ZNFX1: variants seen among roughly 807,000 people sequenced by gnomAD.
ZNFX1 encodes NFX1-type zinc finger-containing protein 1.
Under a neutral mutation model 179.8 loss-of-function variants are expected in ZNFX1, and 78 were observed. The observed-to-expected ratio is 0.43, with a 90% CI of 0.36 to 0.52. ZNFX1 has a LOEUF of 0.52. Ranked by LOEUF, ZNFX1 falls within the 20% of genes least tolerant of loss-of-function variation. ZNFX1 has a pLI of 0.00. For synonymous variants in ZNFX1, 848 were observed against 868.5 expected (o/e 0.98, Z 0.42); for missense variants, 1,927 against 2,386.6 (o/e 0.81, Z 4.01).
intron 9 of ZNFX1, among the ~76,000 whole-genome samples, chr20:49,254,887 T>C (rs987760010): frequency 6.6e-6 from 1 of 151,958 alleles, no homozygotes; most frequent in Non-Finnish European, 1.5e-5. Flanking sequence ...GGGAAGAAAA[T>C]AAGAGACTTT....
chr20:49,270,110 C>T lies in ZNFX1; in HGVS notation c.1702G>A (p.Gly568Arg). The change falls in exon 3 of 14, where the codon GGG becomes AGG. Residue 568 changes from glycine to arginine, a missense_variant. Coordinates refer to ENST00000396105, the MANE Select transcript of ZNFX1 (RefSeq NM_021035.3). This position sits in a 1 kb window ranked among gnomAD's most constrained non-coding sequence, Gnocchi z 4.6. ...TPLIENPSAT[G>R]EFLRNVEGLR... ...CCCTCGACATTTCTTAGAAATTCCC[C>T]AGTGGCTGAAGGATTCTCTATTAAG... The T allele has an allele frequency of 6.2e-7, 1 of 1,614,222 alleles. No homozygotes were observed. The highest frequency in any genetic ancestry group is 8.5e-7 in the Non-Finnish European group (1 of 1,180,036).
intron 7 of ZNFX1, among the ~76,000 whole-genome samples, chr20:49,259,135 T>G (rs1389290172): frequency 7.0e-6 from 1 of 142,628 alleles, no homozygotes; most frequent in Admixed American, 6.9e-5. Flanking sequence ...AATAAATAAA[T>G]AAATAAAATA....
intron 6 of ZNFX1, 74 bp from the exon 7 acceptor site, chr20:49,260,651 C>A (rs1981091899): frequency 2.6e-6 from 3 of 1,134,764 alleles, no homozygotes; most frequent in Non-Finnish European, 3.8e-6. Context: ...CTCAAAGAAT[C>A]AAAAGCAGAT....
Position 49,264,873 on chromosome 20 carries a change from C to A in ZNFX1, c.2003-9G>T, listed in dbSNP as rs1314532622. The A allele has an allele frequency of 1.2e-6, 2 of 1,614,040 alleles. No individual in the cohort carries two copies. Among genetic ancestry groups the A allele is most frequent in the African/African-American group, 2.7e-5 (2 of 74,912 alleles). ...CTGACAATTGTAGATGCCTGTGGAA[C>A]AAAGTGGAGCATGGCAGGGTTGAGA... On this transcript the variant is annotated splice_polypyrimidine_tract_variant and intron_variant, in intron 4 of 13. Transcript: ENST00000396105.
chr20:49,254,461 GA>G (rs1251804706), intron 10 of ZNFX1, 33 bp downstream of exon 10: 1 of 1,610,016 alleles, frequency 6.2e-7, no homozygotes. Context: ...AGTGAACTTA[GA>G]TGCAACAGGC....
At chr20:49,252,601 CAG>C (rs1482239337) in intron 12 of ZNFX1, 117 bp downstream of exon 12, 5 of 659,322 alleles carry the variant, frequency 7.6e-6, no homozygotes, top group Non-Finnish European at 1.3e-5. Context: ...GTAAGGTTGA[CAG>C]AGTCATTTCA....
intron 6 of ZNFX1, among the ~76,000 whole-genome samples, chr20:49,262,330 C>T (rs1029658852): frequency 3.3e-5 from 5 of 149,304 alleles, no homozygotes; most frequent in Admixed American, 6.7e-5. Flanking sequence ...CGCTTGAACC[C>T]GGGAGGCGGA....
intron 8 of ZNFX1, among the ~76,000 whole-genome samples, chr20:49,256,772 AGAT>A (rs1980979967): frequency 6.6e-6 from 1 of 152,264 alleles, no homozygotes; most frequent in South Asian, 2.1e-4. Context: ...GCCAGCACTC[AGAT>A]GAAAACTGCA....
At position 49,248,978 on chromosome 20, in the gene ZNFX1, G is replaced by A. The variant is rs1397389998; in HGVS notation, c.4046C>T (p.Pro1349Leu). 2.5e-6 allele frequency: 4 copies of A among 1,614,214 alleles called. No homozygotes were observed. In the South Asian group the frequency reaches 4.4e-5, roughly 18 times the overall value. ...ATGGCCGCACCGAGGAATGGTTTTGGGCACCTTCACCTGACAAGGCTGACA... is the reference window on the plus strand; with the variant it reads ...ATGGCCGCACCGAGGAATGGTTTTGAGCACCTTCACCTGACAAGGCTGACA... ...QECQPCQVKVPKTIPRCGHEQ... is the reference protein window; with the variant it reads ...QECQPCQVKVLKTIPRCGHEQ... The change falls in exon 14 of 14, where the codon CCC (proline) becomes CTC (leucine). Residue 1349 changes from proline to leucine, a missense_variant. Pro to Leu is a moderately conservative substitution (Grantham distance 98). Coordinates refer to ENST00000396105, the MANE Select transcript of ZNFX1 (RefSeq NM_021035.3). The surrounding 1 kb of genome is among the most constrained non-coding windows in gnomAD (Gnocchi z 4.6).
Position 49,248,197 on chromosome 20 carries a change from A to T in ZNFX1, c.4827T>A (p.Asp1609Glu), listed in dbSNP as rs767034744. ...CTTTCAATCTGATGGCGACTTCATC[A>T]TCCTTCTGTTCATTCATGTAGCGGT... ...ALDRYMNEQK[D>E]DEVAIRLKVC... Residue 1609 changes from aspartate (D) to glutamate (E), a missense_variant, in exon 14 of 14, where the codon GAT (aspartate) becomes GAA (glutamate). Physicochemically the swap from Asp to Glu is conservative, Grantham distance 45. Coordinates refer to ENST00000396105, the MANE Select transcript of ZNFX1 (RefSeq NM_021035.3). This position sits in a 1 kb window ranked among gnomAD's most constrained non-coding sequence, Gnocchi z 4.6. 4 of 1,614,140 alleles carry T rather than the reference A, an allele frequency of 2.5e-6. No individual in the cohort carries two copies. The South Asian group carries it at 4.4e-5, about 18-fold the overall frequency.
chr20:49,248,113 T>G lies in ZNFX1; in HGVS notation c.4911A>C (p.Lys1637Asn), dbSNP rs145879541. The G allele has an allele frequency of 1.5e-5, 25 of 1,614,062 alleles. No homozygotes were observed. The African/African-American group carries it at 2.0e-4, about 13-fold the overall frequency. Residue 1637 changes from lysine to asparagine, a missense_variant, in exon 14 of 14, where the codon AAA (lysine) becomes AAC (asparagine). Transcript: ENST00000396105. The surrounding 1 kb of genome is among the most constrained non-coding windows in gnomAD (Gnocchi z 4.6). ...RKNLRYGTSI[K>N]QRLEEIEIIK... ...TGATTTCAATCTCTTCTAGCCGCTG[T>G]TTTATGCTAGTTCCATACCTCAGGT... is the stretch of plus-strand genomic sequence containing the variant.
Position 49,249,728 on chromosome 20 carries a change from G to C in ZNFX1, c.3313-17C>G. On this transcript the variant is annotated splice_polypyrimidine_tract_variant and intron_variant, in intron 13 of 13. Coordinates refer to ENST00000396105, the MANE Select transcript of ZNFX1 (RefSeq NM_021035.3). ...AGACACCCCCTGACAGGGAAAAGAA[G>C]TGACATGTTAAAAGGTTCACTCATG... 1 of 1,597,590 alleles carries C rather than the reference G, an allele frequency of 6.3e-7. No homozygotes were observed. Among genetic ancestry groups the C allele is most frequent in the Non-Finnish European group, 8.5e-7 (1 of 1,170,606 alleles).
Position 49,249,517 on chromosome 20 carries a change from T to G in ZNFX1, c.3507A>C (p.Lys1169Asn), listed in dbSNP as rs1265662589. The change falls in exon 14 of 14, where the codon AAA becomes AAC. Residue 1169 changes from lysine (K) to asparagine (N), a missense_variant. Physicochemically the swap from Lys to Asn is moderately conservative, Grantham distance 94. Transcript: ENST00000396105. ...TYTGQLFCLR[K>N]LMPAKTFAGV... ...CAGCAAATGTCTTGGCAGGCATCAG[T>G]TTGCGCAGGCAGAAGAGCTGCCCGG... The G allele has an allele frequency of 1.9e-6, 3 of 1,614,014 alleles. No homozygotes were observed. The highest frequency in any genetic ancestry group is 1.7e-6 in the Non-Finnish European group (2 of 1,180,024).
chr20:49,247,712 G>T lies in ZNFX1; in HGVS notation c.5312C>A (p.Thr1771Asn). 6.2e-7 allele frequency: 1 copy of T among 1,614,190 alleles called. No individual in the cohort carries two copies. Reference protein sequence around the residue: ...QRLTYLVNLLTRYKIAEKKVK... With the variant: ...QRLTYLVNLLNRYKIAEKKVK... ...CTTCTTCTCTGCTATCTTGTAGCGG[G>T]TCAGAAGGTTCACCAGGTATGTGAG... The change falls in exon 14 of 14, where the codon ACC becomes AAC. Residue 1771 changes from threonine to asparagine, a missense_variant. By Grantham distance (65) the Thr-to-Asn change is moderately conservative. Coordinates refer to ENST00000396105, the MANE Select transcript of ZNFX1 (RefSeq NM_021035.3).
chr20:49,267,981 C>T (rs1320524474), intron 3 of ZNFX1, among the ~76,000 whole-genome samples: 1 of 151,758 alleles, frequency 6.6e-6, no homozygotes, highest in Admixed American at 6.6e-5. Context: ...TCACGCCATT[C>T]TCCTGCCTCA....
At position 49,248,622 on chromosome 20, in the gene ZNFX1, G is replaced by A; in HGVS notation, c.4402C>T (p.Leu1468=). 6.2e-7 allele frequency: 1 copy of A among 1,614,060 alleles called. No homozygotes were observed. Among genetic ancestry groups the A allele is most frequent in the Non-Finnish European group, 8.5e-7 (1 of 1,180,038 alleles). The change falls in exon 14 of 14, where the codon CTG becomes TTG. Residue 1468 remains leucine (L), a synonymous_variant. Coordinates refer to ENST00000396105, the MANE Select transcript of ZNFX1 (RefSeq NM_021035.3). The surrounding 1 kb of genome is among the most constrained non-coding windows in gnomAD (Gnocchi z 4.6). ...TGGCACTTGTGTGAGCAGATAAGCA[G>A]GCGCTTGCAGGGCTGCTGACAGCGT... The part of the protein sequence containing the change: ...HERCQQPCKR[L]LICSHKCQEP...
At chr20:49,262,427 A>AG (rs1487160005) in intron 6 of ZNFX1, among the ~76,000 whole-genome samples, 1 of 143,964 alleles carries the variant, frequency 6.9e-6, no homozygotes, top group Non-Finnish European at 1.5e-5. Context: ...AAAAAGAAGA[A>AG]AAAAAAAAAA....
intron 3 of ZNFX1, among the ~76,000 whole-genome samples, chr20:49,268,222 G>A (rs1164759551): frequency 1.3e-5 from 2 of 152,034 alleles, no homozygotes; most frequent in African/African-American, 4.8e-5. Flanking sequence ...AAGGTTGTGA[G>A]GATGCAATTA....
chr20:49,265,835 T>C (rs745550642), intron 4 of ZNFX1, among the ~76,000 whole-genome samples: 4 of 152,102 alleles, frequency 2.6e-5, no homozygotes, highest in African/African-American at 4.8e-5. Flanking sequence ...TAGGGCCAGG[T>C]TGAATAAGCT....
Sources: gnomAD v4.1 joint callset for allele counts (sites outside exome capture counted in the v4.1 genomes callset) on GRCh38, gnomAD v4.1.1 for gene constraint, Gnocchi (gnomAD v3.1) non-coding constraint, MANE v1.5 for transcripts, NCBI Gene and HGNC (gene_info 2026-07-23, HGNC 2026-07-21) for gene names.